Variants in PRSS53 observed in about 807,000 individuals in gnomAD.
PRSS53 encodes serine protease 53.
In PRSS53, 54 loss-of-function variants were observed where a neutral mutation model predicts 62.7. That is an observed-to-expected ratio of 0.86 (90% CI 0.69 to 1.08). The LOEUF (loss-of-function observed/expected upper bound fraction) is 1.08. PRSS53 is among the 50% of genes least tolerant of loss of function. The pLI, the probability that PRSS53 is intolerant of heterozygous loss-of-function variation, is 0.00. For synonymous variants in PRSS53, 273 were observed against 300.0 expected, an observed-to-expected ratio of 0.91 and a Z score of 0.93; for missense variants, 688 against 728.3, an observed-to-expected ratio of 0.94 and a Z score of 0.64.
At position 31,087,679 on chromosome 16, in the gene PRSS53, C is replaced by T. The variant is rs201075024; in HGVS notation, c.100G>A (p.Gly34Ser). 0.025 allele frequency: 40,906 copies of T among 1,611,726 alleles called. 8,933 individuals carry two copies. In the South Asian group the frequency reaches 0.42, roughly 17 times the overall value. ...TTGCCCTCCTGAGGCTTGGGGGGGC[C>T]GGGGCCACGCTGTCCACAGGCTGTG... is the stretch of plus-strand genomic sequence containing the variant. Residue 34 changes from glycine (G) to serine (S), a missense_variant, in exon 3 of 11, where the codon GGC becomes AGC. By Grantham distance (56) the Gly-to-Ser change is moderately conservative. Transcript: ENST00000280606.
At chr16:31,088,779 T>A (rs762420774) in exon 1 of PRSS53, 17 of 1,613,798 alleles carry the variant, frequency 1.1e-5, no homozygotes, top group Non-Finnish European at 1.4e-5. Context: ...GCACCCGCGA[T>A]GAGCAGCACT....
At chr16:31,087,168 TAC>T (rs1457517171) in intron 3 of PRSS53, 11 of 522,722 alleles carry the variant, frequency 2.1e-5, no homozygotes, top group Non-Finnish European at 3.7e-5. Context: ...TGGCTAATTT[TAC>T]AGTTTTTGTA....
chr16:31,086,934 G>A (rs1478820457), intron 3 of PRSS53, 36 bp from the exon 4 acceptor site: 2 of 1,552,098 alleles, frequency 1.3e-6, no homozygotes, highest in Non-Finnish European at 1.7e-6. Flanking sequence ...GCTGCTGAGT[G>A]CAAGGGTAGA....
intron 6 of PRSS53, 108 bp downstream of exon 6, chr16:31,085,856 G>C (rs2057226609): frequency 1.0e-6 from 1 of 986,814 alleles, no homozygotes; most frequent in South Asian, 1.5e-5. Context: ...GGGTGAAAGA[G>C]CCCCCTAATT....
intron 7 of PRSS53, 40 bp downstream of exon 7, chr16:31,085,070 C>T: frequency 3.7e-6 from 6 of 1,611,802 alleles, no homozygotes; most frequent in Non-Finnish European, 5.1e-6. Flanking sequence ...GGGCTGCCGG[C>T]AGGGGCAGGG....
At chr16:31,084,972 A>G (rs1199464387) in exon 8 of PRSS53, 1 of 1,561,392 alleles carries the variant, frequency 6.4e-7, no homozygotes, top group Admixed American at 1.9e-5. Context: ...TTCAGGCCCC[A>G]CTCCTCCGGT....
intron 6 of PRSS53, among the ~76,000 whole-genome samples, 155 bp downstream of exon 6, chr16:31,085,809 T>C (rs1490644008): frequency 1.3e-5 from 2 of 152,200 alleles, no homozygotes; most frequent in East Asian, 1.9e-4. Context: ...AAAGTGCCTG[T>C]GCCTCTCAGC....
rs374205565 is a variant in PRSS53 at position 31,085,296 on chromosome 16, A to G, written c.884-36T>C. On this transcript the variant is annotated intron_variant, in intron 6 of 10. Coordinates refer to ENST00000280606, the Ensembl canonical transcript of PRSS53. ...TAAGTGCCTCATCTGACTTCTTGCT[A>G]AGCACTTCCCACTTCCCATCAAATC... is the stretch of plus-strand genomic sequence containing the variant. 12 of 1,503,698 alleles carry G rather than the reference A, an allele frequency of 8.0e-6. No homozygotes were observed. The African/African-American group carries it at 1.5e-4, about 19-fold the overall frequency. 93.1% of individuals were successfully genotyped at this position (1,503,698 alleles called of 1,614,324 possible). A position where few individuals can be genotyped will look rare whatever the true frequency, so the allele number is the denominator to read the frequency against.
At chr16:31,084,833 T>C in exon 8 of PRSS53, 1 of 1,548,378 alleles carries the variant, frequency 6.5e-7, no homozygotes, top group Non-Finnish European at 8.7e-7. Flanking sequence ...ATCAGGCAGG[T>C]GGTGGTCAGG....
At chr16:31,084,624 A>G (rs1445097223) in exon 9 of PRSS53, 2 of 1,607,100 alleles carry the variant, frequency 1.2e-6, no homozygotes, top group Non-Finnish European at 1.7e-6. Flanking sequence ...GGCTGCCATC[A>G]CCCCCAGGAG....
chr16:31,084,785 C>G (rs1394907768), exon 8 of PRSS53: 7 of 1,552,518 alleles, frequency 4.5e-6, no homozygotes, highest in Non-Finnish European at 6.1e-6. Context: ...CCTACCTGCT[C>G]CTGGGCGGGC....
chr16:31,088,305 A>G (rs765452718), intron 1 of PRSS53: 62 of 1,121,960 alleles, frequency 5.5e-5, no homozygotes, highest in Non-Finnish European at 6.6e-5. Flanking sequence ...CCACCTTCCC[A>G]GAAACTGTCT....
At chr16:31,087,445 A>G (rs2057245672) in intron 3 of PRSS53, 92 bp downstream of exon 3, 2 of 885,764 alleles carry the variant, frequency 2.3e-6, no homozygotes, top group Non-Finnish European at 3.5e-6. Flanking sequence ...CTTTATTATT[A>G]CTCTAGAGGC....
chr16:31,084,868 G>T (rs962136507), exon 8 of PRSS53: 2 of 1,548,042 alleles, frequency 1.3e-6, no homozygotes, highest in Non-Finnish European at 1.7e-6. Flanking sequence ...GGGGCCGCAG[G>T]CTGGCTCCCA....
chr16:31,088,833 C>G, exon 1 of PRSS53: 1 of 1,613,180 alleles, frequency 6.2e-7, no homozygotes, highest in Non-Finnish European at 8.5e-7. Flanking sequence ...ACTCTGCCAC[C>G]TGTGCTCCAC....
rs943662749 is a variant in PRSS53, at chr16:31,083,706, C to T, written c.*84G>A. On this transcript the variant is annotated 3_prime_UTR_variant, in exon 11 of 11. Transcript: ENST00000280606. ...GGGCCTGCCCTGGTGCCTGGAATCA[C>T]ACATGACAGGGTGGGGAGGACAGGG... 4 of 1,610,418 alleles carry T rather than the reference C, an allele frequency of 2.5e-6. No homozygotes were observed. The African/African-American group carries it at 5.3e-5, about 22-fold the overall frequency.
exon 9 of PRSS53, chr16:31,084,563 A>T (rs768298061): frequency 2.5e-6 from 4 of 1,603,936 alleles, no homozygotes; most frequent in Non-Finnish European, 3.4e-6. Flanking sequence ...CTCACCTCAC[A>T]GCTGGGCAGC....
rs199799946 is a variant in PRSS53 at position 31,087,868 on chromosome 16, C to G, written c.59-42G>C. On this transcript the variant is annotated intron_variant, in intron 1 of 10. Transcript: ENST00000280606. ...ACAGGTAAGATGCAGGGACTCCAGG[C>G]CTGCCTAGCTTTGGGGAGGAGAGGG... 2.3e-4 allele frequency: 373 copies of G among 1,612,274 alleles called. 8 individuals carry two copies. In the African/African-American group the frequency reaches 4.5e-3, roughly 19 times the overall value.
At chr16:31,086,481 G>T (rs61743027) in exon 5 of PRSS53, 36 of 1,612,120 alleles carry the variant, frequency 2.2e-5, no homozygotes, top group Non-Finnish European at 3.1e-5. Context: ...GATTGCGTAG[G>T]GTCCCAGGAG....
Sources: gnomAD v4.1 joint callset for allele counts (sites outside exome capture counted in the v4.1 genomes callset) on GRCh38, gnomAD v4.1.1 for gene constraint, MANE v1.5 for transcripts, NCBI Gene and HGNC (gene_info 2026-07-23, HGNC 2026-07-21) for gene names.